The following TMTC2 variants were observed in gnomAD, a reference collection of about 807,000 sequenced individuals.
TMTC2 encodes transmembrane O-mannosyltransferase targeting cadherins 2.
Under a neutral mutation model 82.4 loss-of-function variants are expected in TMTC2, and 43 were observed. That is an observed-to-expected ratio of 0.52 (90% CI 0.41 to 0.67). TMTC2 has a LOEUF of 0.67. TMTC2 is among the 30% of genes least tolerant of loss of function. The pLI, the probability that TMTC2 is intolerant of heterozygous loss-of-function variation, is 0.00. For synonymous variants in TMTC2, 408 were observed against 381.9 expected, an observed-to-expected ratio of 1.07 and a Z score of -0.80; for missense variants, 919 against 1,012.4, an observed-to-expected ratio of 0.91 and a Z score of 1.25.
At chr12:83,022,937 T>G (rs886702114) in intron 8 of TMTC2, among the ~76,000 whole-genome samples, 1 of 152,216 alleles carries the variant, frequency 6.6e-6, no homozygotes, top group Non-Finnish European at 1.5e-5. Context: ...GAAATGATTT[T>G]TGGCTACTCA....
At chr12:82,711,244 G>A (rs1463315923) in intron 1 of TMTC2, among the ~76,000 whole-genome samples, 41 of 152,148 alleles carry the variant, frequency 2.7e-4, no homozygotes, top group Non-Finnish European at 2.9e-5. Context: ...GTCAACTTCC[G>A]TTAAATCCCA....
intron 1 of TMTC2, among the ~76,000 whole-genome samples, chr12:82,744,826 A>C (rs752611061): frequency 1.3e-5 from 2 of 152,190 alleles, no homozygotes; most frequent in Non-Finnish European, 2.9e-5. Flanking sequence ...CATAGTAAGC[A>C]ACAGCTTAAA....
intron 8 of TMTC2, among the ~76,000 whole-genome samples, chr12:83,003,509 CTG>C (rs1183973718): frequency 6.6e-6 from 1 of 152,138 alleles, no homozygotes; most frequent in South Asian, 2.1e-4. Context: ...TATATCATAT[CTG>C]TGGGCTATGT....
chr12:82,960,257 G>A (rs1296280946), intron 4 of TMTC2, among the ~76,000 whole-genome samples: 2 of 152,042 alleles, frequency 1.3e-5, no homozygotes, highest in African/African-American at 4.8e-5. Flanking sequence ...ACTACCATTT[G>A]ACCCAGCAGT....
intron 1 of TMTC2, among the ~76,000 whole-genome samples, chr12:82,780,369 T>C (rs750011442): frequency 6.6e-6 from 1 of 152,074 alleles, no homozygotes; most frequent in South Asian, 2.1e-4. Flanking sequence ...AAACAGAGAA[T>C]AGATAACTTT....
chr12:82,713,810 T>C (rs1198314468), intron 1 of TMTC2, among the ~76,000 whole-genome samples: 1 of 152,200 alleles, frequency 6.6e-6, no homozygotes, highest in Non-Finnish European at 1.5e-5. Flanking sequence ...AAAGTAGTTT[T>C]GAGAGGATGG....
At chr12:82,782,708 T>C in intron 1 of TMTC2, among the ~76,000 whole-genome samples, 1 of 152,154 alleles carries the variant, frequency 6.6e-6, no homozygotes, top group Non-Finnish European at 1.5e-5. Context: ...AAAATAAATC[T>C]CTGTCCTATG....
At chr12:82,932,200 C>A (rs1021272689) in intron 4 of TMTC2, among the ~76,000 whole-genome samples, 2 of 152,126 alleles carry the variant, frequency 1.3e-5, no homozygotes, top group Admixed American at 6.5e-5. Flanking sequence ...GGAAAGCAGA[C>A]AGGATGAGCT....
At chr12:82,892,614 A>G (rs530785596) in intron 2 of TMTC2, among the ~76,000 whole-genome samples, 1 of 152,206 alleles carries the variant, frequency 6.6e-6, no homozygotes, top group Non-Finnish European at 1.5e-5. Context: ...AAATCTGACC[A>G]TGTTTCCTCC....
At chr12:82,743,667 T>G (rs986877861) in intron 1 of TMTC2, among the ~76,000 whole-genome samples, 1 of 152,150 alleles carries the variant, frequency 6.6e-6, no homozygotes, top group African/African-American at 2.4e-5. Context: ...ATACTATAAT[T>G]TTTTGAGTGC....
intron 4 of TMTC2, among the ~76,000 whole-genome samples, chr12:82,935,836 T>A (rs951672978): frequency 6.6e-6 from 1 of 152,104 alleles, no homozygotes; most frequent in Non-Finnish European, 1.5e-5. Flanking sequence ...TTCTGTGTTG[T>A]AAGAATCTTA....
chr12:82,959,189 A>G (rs1877779193), intron 4 of TMTC2, among the ~76,000 whole-genome samples: 2 of 152,332 alleles, frequency 1.3e-5, no homozygotes, highest in South Asian at 2.1e-4. Flanking sequence ...GACACAAACT[A>G]TGGAAAAACA....
intron 1 of TMTC2, among the ~76,000 whole-genome samples, chr12:82,730,604 T>C (rs1395600254): frequency 1.3e-5 from 2 of 152,176 alleles, no homozygotes; most frequent in Non-Finnish European, 2.9e-5. Flanking sequence ...TAGCACACTG[T>C]TTTGTACAGT....
At chr12:83,127,882 A>G (rs541676968) in intron 11 of TMTC2, among the ~76,000 whole-genome samples, 1 of 152,338 alleles carries the variant, frequency 6.6e-6, no homozygotes, top group South Asian at 2.1e-4. Context: ...ACAGTAAAAT[A>G]ACAAGGCAGA....
intron 4 of TMTC2, among the ~76,000 whole-genome samples, chr12:82,948,751 C>T (rs1163550866): frequency 1.3e-5 from 2 of 152,168 alleles, no homozygotes; most frequent in African/African-American, 4.8e-5. Context: ...TCATCTCTAA[C>T]CCAAATTATA....
chr12:83,090,205 C>T (rs1453794476), intron 11 of TMTC2, among the ~76,000 whole-genome samples: 1 of 152,148 alleles, frequency 6.6e-6, no homozygotes, highest in Non-Finnish European at 1.5e-5. Context: ...ATATACTTTC[C>T]TAGATTTAGT....
chr12:82,797,935 A>AT (rs72046660), intron 1 of TMTC2, among the ~76,000 whole-genome samples: 1,583 of 121,808 alleles, frequency 0.013, 15 homozygotes, highest in South Asian at 0.022. Flanking sequence ...AACCACCCTA[A>AT]TTTTTTTTTT....
chr12:82,728,332 A>C (rs968905498), intron 1 of TMTC2, among the ~76,000 whole-genome samples: 2 of 152,038 alleles, frequency 1.3e-5, no homozygotes, highest in South Asian at 4.2e-4. Flanking sequence ...TAAGTTTCTT[A>C]GTTTTTATAA....
At chr12:82,756,088 A>G (rs1876308861) in intron 1 of TMTC2, among the ~76,000 whole-genome samples, 1 of 152,140 alleles carries the variant, frequency 6.6e-6, no homozygotes, top group Admixed American at 6.6e-5. Flanking sequence ...TTTGAATGTC[A>G]TAAAATTATC....
Sources: gnomAD v4.1 joint callset for allele counts (sites outside exome capture counted in the v4.1 genomes callset) on GRCh38, gnomAD v4.1.1 for gene constraint, MANE v1.5 for transcripts, NCBI Gene and HGNC (gene_info 2026-07-23, HGNC 2026-07-21) for gene names.